CENPI: variants seen among roughly 807,000 people sequenced by gnomAD.
CENPI encodes FSH primary response 1.
Under a neutral mutation model 60.4 loss-of-function variants are expected in CENPI, and 4 were observed. The observed-to-expected ratio is 0.07, with a 90% CI of 0.03 to 0.15. CENPI has a LOEUF of 0.15. Ranked by LOEUF, CENPI falls within the 10% of genes least tolerant of loss-of-function variation. CENPI has a pLI of 1.00. For synonymous variants in CENPI, 157 were observed against 189.4 expected (o/e 0.83, Z 1.40); for missense variants, 444 against 534.5 (o/e 0.83, Z 1.67).
chrX:101,155,369 T>C (rs938044173), intron 20 of CENPI, among the ~76,000 whole-genome samples: 24 of 111,069 alleles, frequency 2.2e-4, no homozygotes, highest in African/African-American at 7.9e-4. Context: ...TTTGTATTTT[T>C]AGTAGAGATG....
chrX:101,173,832 C>G, the CENPI span, among the ~76,000 whole-genome samples: 1 of 110,780 alleles, frequency 9.0e-6, no homozygotes, highest in Admixed American at 9.6e-5. Flanking sequence ...AAAACCTGGA[C>G]CAGATAGATT....
intron 11 of CENPI, among the ~76,000 whole-genome samples, chrX:101,128,141 C>A (rs747368781): frequency 1.4e-4 from 15 of 111,079 alleles, no homozygotes; most frequent in Admixed American, 9.6e-4. Context: ...TCGGGACCAG[C>A]CTGACCAACA....
rs2090139827 is a variant in CENPI, at chrX:101,165,328, C to T, written c.*2361C>T. Among the ~76,000 whole-genome samples, 1 of 111,395 alleles carries T rather than the reference C, an allele frequency of 9.0e-6. No homozygotes were observed. The highest frequency in any genetic ancestry group is 1.9e-5 in the Non-Finnish European group (1 of 53,041). On this transcript the variant is annotated 3_prime_UTR_variant, in exon 22 of 22. Transcript: ENST00000682095. Reference sequence around the variant, plus strand: ...TAGTGTCCTAGGTAACAGTTTTGGACAAGTGTGATAAATGTTGAGGTGGGA... The same window carrying T: ...TAGTGTCCTAGGTAACAGTTTTGGATAAGTGTGATAAATGTTGAGGTGGGA...
At chrX:101,118,207 G>A (rs68160188) in intron 6 of CENPI, among the ~76,000 whole-genome samples, 31,238 of 110,344 alleles carry the variant, frequency 0.28, 3,353 homozygotes, top group African/African-American at 0.36. Flanking sequence ...AGTAAAGTTG[G>A]GTGAACTAAG....
chrX:101,127,925 C>T (rs192164491), intron 11 of CENPI, among the ~76,000 whole-genome samples: 320 of 111,445 alleles, frequency 2.9e-3, no homozygotes, highest in Non-Finnish European at 3.7e-3. Context: ...AGGCTGGGCA[C>T]GGTGGCTCAT....
intron 18 of CENPI, among the ~76,000 whole-genome samples, chrX:101,146,693 C>T (rs1346364792): frequency 8.9e-6 from 1 of 111,754 alleles, no homozygotes; most frequent in African/African-American, 3.2e-5. Flanking sequence ...CTGGTCTCCT[C>T]TAATTCTTTC....
chrX:101,153,879 A>G (rs2090029715), intron 20 of CENPI, among the ~76,000 whole-genome samples: 2 of 111,973 alleles, frequency 1.8e-5, no homozygotes, highest in African/African-American at 6.5e-5. Flanking sequence ...TTGTCTGAGA[A>G]TTTTATAGTT....
chrX:101,165,305 G>GT lies in CENPI; in HGVS notation c.*2339dup, dbSNP rs2090139757. Among the ~76,000 whole-genome samples, 1 of 111,952 alleles carries GT rather than the reference G, an allele frequency of 8.9e-6. No homozygotes were observed. Among genetic ancestry groups the GT allele is most frequent in the Admixed American group, 9.5e-5 (1 of 10,538 alleles). On this transcript the variant is annotated 3_prime_UTR_variant, in exon 22 of 22. Coordinates refer to ENST00000682095, the MANE Select transcript of CENPI (RefSeq NM_001386188.2). The stretch of plus-strand genomic sequence containing the variant: ...AGCAGAGACTGGTTAGGTTATTATA[G>GT]TGTCCTAGGTAACAGTTTTGGACAA...
chrX:101,104,621 G>C (rs1479144300), intron 4 of CENPI, among the ~76,000 whole-genome samples: 1 of 111,205 alleles, frequency 9.0e-6, no homozygotes, highest in Non-Finnish European at 1.9e-5. Context: ...AGCACTTTGA[G>C]GGGCCAAGGC....
the CENPI span, among the ~76,000 whole-genome samples, chrX:101,175,120 A>C: frequency 8.9e-6 from 1 of 112,344 alleles, no homozygotes; most frequent in Non-Finnish European, 1.9e-5. Flanking sequence ...ACAACAACAA[A>C]AAAAACCAAG....
At position 101,120,792 on chromosome X, in the gene CENPI, C is replaced by A; in HGVS notation, c.687+8C>A. 3.3e-6 allele frequency: 4 copies of A among 1,196,218 alleles called. No individual in the cohort carries two copies. Among genetic ancestry groups the A allele is most frequent in the Non-Finnish European group, 3.4e-6 (3 of 882,949 alleles). On this transcript the variant is annotated splice_region_variant and intron_variant, in intron 8 of 21. Transcript: ENST00000682095. ...GATCTTCAGGCCAAAATGGTGAGTA[C>A]TGAAAAGACCTAAGACCTGCCAATG...
chrX:101,181,714 A>G, the CENPI span, among the ~76,000 whole-genome samples: 4 of 112,179 alleles, frequency 3.6e-5, no homozygotes, highest in South Asian at 1.1e-3. Flanking sequence ...ATACAAGATC[A>G]TGTCATCTGT....
At chrX:101,159,301 A>G (rs929409007) in intron 20 of CENPI, among the ~76,000 whole-genome samples, 6 of 108,991 alleles carry the variant, frequency 5.5e-5, no homozygotes, top group South Asian at 4.0e-4. Context: ...AGCTGGGACT[A>G]CAGGCACCCG....
In CENPI at chrX:101,123,609, C is replaced by T. The variant is rs770595062; in HGVS notation, c.687+2825C>T. On this transcript the variant is annotated intron_variant, in intron 8 of 21. Coordinates refer to ENST00000682095, the MANE Select transcript of CENPI (RefSeq NM_001386188.2). The stretch of plus-strand genomic sequence containing the variant: ...ATTTTATTTTAATTTTTTTTAGAGA[C>T]GGGGGTCTCACTTTGTCACCCAGGC... Among the ~76,000 whole-genome samples the T allele has an allele frequency of 2.5e-3, 277 of 110,144 alleles. 1 individual carries two copies. The highest frequency in any genetic ancestry group is 8.6e-3 in the African/African-American group (260 of 30,307).
At chrX:101,161,662 C>A in intron 21 of CENPI, 93 bp downstream of exon 21, 1 of 771,398 alleles carries the variant, frequency 1.3e-6, no homozygotes, top group Non-Finnish European at 1.9e-6. Context: ...AAACCTTAAG[C>A]CTGCTGCCTC....
rs766986031 is a variant in CENPI at position 101,124,204 on chromosome X, C to T, written c.688-2505C>T. ...GGTGGCTGGTAAGTCCAAAATCTAC[C>T]GGATGGGCCAGCAGGCTGGAGACCC... On this transcript the variant is annotated intron_variant, in intron 8 of 21. Transcript: ENST00000682095. Among the ~76,000 whole-genome samples, 125 of 108,224 alleles carry T rather than the reference C, an allele frequency of 1.2e-3. 2 individuals are homozygous for T. The highest frequency in any genetic ancestry group is 6.9e-4 in the Non-Finnish European group (36 of 52,361). 94.0% of individuals were successfully genotyped at this position (108,224 alleles called of 115,157 possible).
At position 101,154,336 on chromosome X, in the gene CENPI, G is replaced by C. The variant is rs757408887; in HGVS notation, c.2094+6175G>C. ...TAATCCTAGCACTTTGAGAGGCTGA[G>C]ATGGGTGGATCACCTGAGGTCAAGA... On this transcript the variant is annotated intron_variant, in intron 20 of 21. Transcript: ENST00000682095. 2.7e-5 allele frequency among the ~76,000 whole-genome samples: 3 copies of C among 111,579 alleles called. No homozygotes were observed. In the Admixed American group the frequency reaches 2.9e-4, roughly 11 times the overall value.
At chrX:101,178,398 CTTTTTTTTT>C in the CENPI span, among the ~76,000 whole-genome samples, 30 of 39,974 alleles carry the variant, frequency 7.5e-4, no homozygotes, top group Middle Eastern at 0.032. Flanking sequence ...TTTTCTTCTT[CTTTTTTTTT>C]TTTTTTTTTT....
At chrX:101,099,100 T>C (rs1232776637) in intron 2 of CENPI, among the ~76,000 whole-genome samples, 1 of 110,734 alleles carries the variant, frequency 9.0e-6, no homozygotes, top group African/African-American at 3.3e-5. Context: ...CTCCCTCCCT[T>C]TCTTTCTTTC....
Sources: allele counts gnomAD v4.1 joint callset (sites outside exome capture counted in the v4.1 genomes callset), GRCh38; gene constraint gnomAD v4.1.1; transcripts MANE v1.5; gene names NCBI Gene and HGNC (gene_info 2026-07-23, HGNC 2026-07-21).